AFF4: variants seen among roughly 807,000 people sequenced by gnomAD.
AFF4 encodes the protein AF4/FMR2 family member 4.
Under a neutral mutation model 124.8 loss-of-function variants are expected in AFF4, and 13 were observed. The observed-to-expected ratio is 0.10, with a 90% CI of 0.07 to 0.17. AFF4 has a LOEUF of 0.17. Ranked by LOEUF, AFF4 falls within the 10% of genes least tolerant of loss-of-function variation. The probability of loss-of-function intolerance (pLI) is 1.00; values close to 1 mark genes in which losing one functional copy is unlikely to be tolerated. For synonymous variants in AFF4, 477 were observed against 496.1 expected (o/e 0.96, Z 0.51); for missense variants, 1,092 against 1,403.8 (o/e 0.78, Z 3.55).
At chr5:132,912,671 T>C (rs1413700563) in intron 5 of AFF4, among the ~76,000 whole-genome samples, 1 of 152,182 alleles carries the variant, frequency 6.6e-6, no homozygotes, top group Non-Finnish European at 1.5e-5. Flanking sequence ...TAAAAGATAA[T>C]ATATTGTTTA....
intron 1 of AFF4, among the ~76,000 whole-genome samples, chr5:132,955,509 C>T (rs766564569): frequency 2.6e-5 from 4 of 151,884 alleles, no homozygotes; most frequent in East Asian, 1.9e-4. Context: ...TCAGGTGTAG[C>T]GACTTATGCC....
chr5:132,950,957 C>T (rs1761830440), intron 1 of AFF4, among the ~76,000 whole-genome samples: 2 of 152,278 alleles, frequency 1.3e-5, no homozygotes, highest in South Asian at 4.1e-4. Context: ...CATGGTGGCT[C>T]ATGTCTGCTG....
Position 132,899,627 on chromosome 5 carries a change from T to C in AFF4, c.1148A>G (p.Asp383Gly). The C allele has an allele frequency of 6.2e-7, 1 of 1,611,976 alleles. No homozygotes were observed. The highest frequency in any genetic ancestry group is 1.7e-5 in the Admixed American group (1 of 59,986). Residue 383 changes from aspartate to glycine, a missense_variant, in exon 8 of 21, where the codon GAC (aspartate) becomes GGC (glycine). Transcript: ENST00000265343. The part of the protein sequence containing the change: ...GHQSKSMLKD[D>G]LKLSSSEDSD... The stretch of plus-strand genomic sequence containing the variant: ...GTCTTCACTGCTGCTTAGTTTTAAG[T>C]CATCTTTTAACATACTAGAGGGAAA...
intron 5 of AFF4, among the ~76,000 whole-genome samples, chr5:132,911,927 T>C (rs751351130): frequency 1.5e-4 from 23 of 150,612 alleles, no homozygotes; most frequent in Admixed American, 3.3e-4. Context: ...AGCTGGCAGA[T>C]AGTTGCAAGG....
chr5:132,919,676 C>A (rs1288351064), intron 5 of AFF4, among the ~76,000 whole-genome samples: 1 of 152,056 alleles, frequency 6.6e-6, no homozygotes, highest in Non-Finnish European at 1.5e-5. Flanking sequence ...ATGGCAAAAC[C>A]CCATCTCTAC....
intron 5 of AFF4, among the ~76,000 whole-genome samples, chr5:132,909,820 T>C (rs185339103): frequency 4.7e-4 from 71 of 152,320 alleles, no homozygotes; most frequent in Admixed American, 7.8e-4. Flanking sequence ...TGCCTTGTCC[T>C]GGGTTCCTTT....
At chr5:132,889,482 G>A (rs1435516442) in intron 13 of AFF4, among the ~76,000 whole-genome samples, 2 of 152,118 alleles carry the variant, frequency 1.3e-5, no homozygotes, top group Admixed American at 6.5e-5. Context: ...CACTACTTAC[G>A]GCAACATTTA....
chr5:132,926,141 GAAAT>G (rs1478194857), intron 5 of AFF4: 7 of 353,510 alleles, frequency 2.0e-5, no homozygotes, highest in South Asian at 1.3e-4. Context: ...TATTTGCGTA[GAAAT>G]AAATAAGAAA....
intron 1 of AFF4, among the ~76,000 whole-genome samples, chr5:132,957,041 A>AAC (rs1761979418): frequency 6.7e-6 from 1 of 149,582 alleles, no homozygotes; most frequent in South Asian, 2.1e-4. Context: ...AAAAAAAAAA[A>AAC]AAAAAAAACA....
At position 132,887,793 on chromosome 5, in the gene AFF4, T is replaced by C; in HGVS notation, c.2933+53A>G. ...TACTATATATCAGCCTCTTCCTTGA[T>C]GGACCAGAGAAATAATGTTATTGCC... On this transcript the variant is annotated intron_variant, in intron 16 of 20. Transcript: ENST00000265343. 21 of 1,600,156 alleles carry C rather than the reference T, an allele frequency of 1.3e-5. No individual in the cohort carries two copies. The South Asian group carries it at 2.4e-4, about 18-fold the overall frequency.
In AFF4 at chr5:132,886,388, A is replaced by G. The variant is rs370085438; in HGVS notation, c.3021T>C (p.Ser1007=). ...RLTVLCLRCE[S]LLYLRLFKLK... is the part of the protein sequence containing the mutation. ...GTTTGAACAGCCTCAGGTACAGCAA[A>G]GACTCGCATCGCAGGCTAGCCAATG... The change falls in exon 18 of 21, where the codon TCT becomes TCC. Residue 1007 remains serine (S), a synonymous_variant. Transcript: ENST00000265343. 1.5e-5 allele frequency: 24 copies of G among 1,613,960 alleles called. No individual in the cohort carries two copies. The Admixed American group carries it at 2.3e-4, about 16-fold the overall frequency.
At chr5:132,894,824 C>T (rs980215357) in intron 11 of AFF4, among the ~76,000 whole-genome samples, 9 of 151,958 alleles carry the variant, frequency 5.9e-5, no homozygotes, top group Non-Finnish European at 1.3e-4. Context: ...TGTGGGGTCG[C>T]ATGCCTGTAG....
intron 15 of AFF4, 28 bp from the exon 16 acceptor site, chr5:132,888,010 G>A (rs1336064619): frequency 6.2e-7 from 1 of 1,612,168 alleles, no homozygotes; most frequent in African/African-American, 1.3e-5. Context: ...CAAGTAATGA[G>A]TAATGATCTA....
chr5:132,886,064 A>C (rs1028732906), intron 18 of AFF4, among the ~76,000 whole-genome samples: 3 of 152,330 alleles, frequency 2.0e-5, no homozygotes, highest in Admixed American at 6.5e-5. Flanking sequence ...GAGCCACCGA[A>C]CCCGGCCGAA....
At chr5:132,894,586 C>G (rs1760341455) in intron 11 of AFF4, among the ~76,000 whole-genome samples, 2 of 152,176 alleles carry the variant, frequency 1.3e-5, no homozygotes, top group Non-Finnish European at 2.9e-5. Context: ...TCCTTTATTA[C>G]CCTTAACTGG....
At chr5:132,923,511 G>A (rs942696535) in intron 5 of AFF4, among the ~76,000 whole-genome samples, 2 of 152,122 alleles carry the variant, frequency 1.3e-5, no homozygotes, top group African/African-American at 2.4e-5. Context: ...GAAACAGAAG[G>A]ATGGCTTGAA....
chr5:132,937,300 C>A lies in AFF4; in HGVS notation c.-4-107G>T. The A allele has an allele frequency of 2.2e-6, 3 of 1,342,910 alleles. No individual in the cohort carries two copies. The South Asian group carries it at 4.9e-5, about 22-fold the overall frequency. The allele number at this position is 1,342,910 out of a possible 1,614,324, so 83.2% of individuals were successfully genotyped here. Reference sequence around the variant, plus strand: ...CTTCAATCACAGATTCCCTTTTGACCTCCAAGTAATAACAGGCATTAGTGC... The same window carrying A: ...CTTCAATCACAGATTCCCTTTTGACATCCAAGTAATAACAGGCATTAGTGC... On this transcript the variant is annotated intron_variant, in intron 1 of 20. Transcript: ENST00000265343.
intron 5 of AFF4, among the ~76,000 whole-genome samples, chr5:132,908,839 C>T (rs1318061931): frequency 4.9e-5 from 7 of 143,748 alleles, no homozygotes; most frequent in African/African-American, 1.5e-4. Context: ...GGTGTGATTT[C>T]GGCTCTCTGC....
intron 20 of AFF4, 73 bp downstream of exon 20, chr5:132,883,267 G>T: frequency 1.5e-6 from 2 of 1,371,980 alleles, no homozygotes; most frequent in Non-Finnish European, 1.0e-6. Context: ...CAGACTAAAC[G>T]CTTACTTAAC....
Sources: gnomAD v4.1 joint callset for allele counts (sites outside exome capture counted in the v4.1 genomes callset) on GRCh38, gnomAD v4.1.1 for gene constraint, MANE v1.5 for transcripts, NCBI Gene and HGNC (gene_info 2026-07-23, HGNC 2026-07-21) for gene names.